AATK: variants seen among roughly 807,000 people sequenced by gnomAD.
AATK encodes the protein lemur tail kinase 1.
AATK carries 91 observed loss-of-function variants against 114.3 expected under a neutral mutation model. That is an observed-to-expected ratio of 0.80 (90% CI 0.67 to 0.95). AATK has a LOEUF of 0.95. Among genes scored for constraint, AATK ranks in the 40% least tolerant of loss-of-function variants. The pLI, the probability that AATK is intolerant of heterozygous loss-of-function variation, is 0.00. For missense variants in AATK, 2,176 were observed against 1,965.2 expected (o/e 1.11, Z -2.03); for synonymous variants, 1,075 against 916.5 (o/e 1.17, Z -3.12).
chr17:81,140,936 T>C (rs1174023371), intron 1 of AATK, among the ~76,000 whole-genome samples: 95 of 73,168 alleles, frequency 1.3e-3, no homozygotes, highest in Non-Finnish European at 2.4e-3. Context: ...CGTGGGACCA[T>C]GGGGCCGTGA....
At chr17:81,123,938 G>A (rs999688179) in intron 9 of AATK, among the ~76,000 whole-genome samples, 4 of 152,188 alleles carry the variant, frequency 2.6e-5, no homozygotes, top group African/African-American at 7.2e-5. Context: ...TTGGCAAGAC[G>A]TCACCATGAC....
chr17:81,154,818 C>G (rs1160833008), intron 1 of AATK, among the ~76,000 whole-genome samples: 1 of 110,816 alleles, frequency 9.0e-6, no homozygotes, highest in African/African-American at 5.1e-5. Context: ...TTAGTAGAGA[C>G]GGGGTTTCAA....
At chr17:81,138,460 C>CAT (rs2061060092) in intron 1 of AATK, among the ~76,000 whole-genome samples, 1 of 146,566 alleles carries the variant, frequency 6.8e-6, no homozygotes, top group South Asian at 2.2e-4. Flanking sequence ...CATGTGCACA[C>CAT]ACACCCACCC....
intron 9 of AATK, among the ~76,000 whole-genome samples, chr17:81,124,210 C>T (rs537059352): frequency 2.0e-5 from 3 of 152,182 alleles, no homozygotes; most frequent in Non-Finnish European, 2.9e-5. Context: ...CAGGGAGGGG[C>T]GCCCACCCCG....
Position 81,119,946 on chromosome 17 carries a change from T to C in AATK, c.3873A>G (p.Thr1291=), listed in dbSNP as rs1286721918. 5.5e-6 allele frequency: 8 copies of C among 1,445,512 alleles called. No homozygotes were observed. Among genetic ancestry groups the C allele is most frequent in the East Asian group, 2.7e-5 (1 of 37,226 alleles). The allele number at this position is 1,445,512 out of a possible 1,614,324, so 89.5% of individuals were successfully genotyped here. ...QQADGSPNGS[T]AEEGGGFAWD... is the part of the protein sequence containing the mutation. Reference sequence around the variant, plus strand: ...CCCGCCCCTGCTCACCCTCTTCCGCTGTGGAGCCATTTGGGGAGCCATCAG... The same window carrying C: ...CCCGCCCCTGCTCACCCTCTTCCGCCGTGGAGCCATTTGGGGAGCCATCAG... The change falls in exon 12 of 14, where the codon ACA becomes ACG. Residue 1291 remains threonine, a synonymous_variant. Coordinates refer to ENST00000326724, the MANE Select transcript of AATK (RefSeq NM_001080395.3).
At chr17:81,163,448 A>G (rs1464881568) in intron 1 of AATK, among the ~76,000 whole-genome samples, 1 of 152,158 alleles carries the variant, frequency 6.6e-6, no homozygotes, top group East Asian at 1.9e-4. Context: ...CCATGCCCAC[A>G]CTAGTCTCCC....
In AATK at chr17:81,121,852, G is replaced by A. The variant is rs746483226; in HGVS notation, c.2084C>T (p.Ser695Phe). ...NNNSGSRCPESWDPVSAGGHA... is the reference protein window; with the variant it reads ...NNNSGSRCPEFWDPVSAGGHA... ...GCCGCCCGCAGAGACGGGGTCCCAGGACTCTGGACAGCGGCTGCCGCTGTT... is the reference window on the plus strand; with the variant it reads ...GCCGCCCGCAGAGACGGGGTCCCAGAACTCTGGACAGCGGCTGCCGCTGTT... The change falls in exon 11 of 14, where the codon TCC (serine) becomes TTC (phenylalanine). Residue 695 changes from serine to phenylalanine, a missense_variant. Coordinates refer to ENST00000326724, the MANE Select transcript of AATK (RefSeq NM_001080395.3). The A allele has an allele frequency of 1.3e-6, 2 of 1,597,038 alleles. No homozygotes were observed. Among genetic ancestry groups the A allele is most frequent in the Admixed American group, 1.7e-5 (1 of 59,714 alleles).
chr17:81,153,281 G>C (rs2061320404), intron 1 of AATK, among the ~76,000 whole-genome samples: 1 of 152,196 alleles, frequency 6.6e-6, no homozygotes, highest in Non-Finnish European at 1.5e-5. Flanking sequence ...TGAAGATGTG[G>C]TGGACTTTGT....
chr17:81,128,422 C>T (rs1398482814), intron 4 of AATK, 48 bp downstream of exon 4: 4 of 1,545,740 alleles, frequency 2.6e-6, no homozygotes, highest in Admixed American at 2.0e-5. Flanking sequence ...GCCCTGTGTC[C>T]CTTCTGCCTC....
At chr17:81,160,444 C>T (rs752613657) in intron 1 of AATK, 19 of 165,422 alleles carry the variant, frequency 1.1e-4, no homozygotes, top group Non-Finnish European at 2.1e-4. Flanking sequence ...GCTCCGGCCC[C>T]GTCCGCTGCC....
chr17:81,134,440 G>A lies in AATK; in HGVS notation c.117C>T (p.Phe39=). 3 of 1,613,276 alleles carry A rather than the reference G, an allele frequency of 1.9e-6. No individual in the cohort carries two copies. Among genetic ancestry groups the A allele is most frequent in the Non-Finnish European group, 2.5e-6 (3 of 1,179,798 alleles). Residue 39 remains phenylalanine (F), a synonymous_variant, in exon 2 of 14, where the codon TTC becomes TTT. Transcript: ENST00000326724. Reference sequence around the variant, plus strand: ...GGACGATGACGGCGAAGAGCCCGGAGAAAGACACAGCCACCACGGCGAGGG... The same window carrying A: ...GGACGATGACGGCGAAGAGCCCGGAAAAAGACACAGCCACCACGGCGAGGG... ...PSSLAVVAVS[F]SGLFAVIVLM...
In AATK at chr17:81,122,567, C is replaced by T. The variant is rs889095774; in HGVS notation, c.1369G>A (p.Gly457Ser). 2.0e-6 allele frequency: 3 copies of T among 1,469,058 alleles called. No individual in the cohort carries two copies. Among genetic ancestry groups the T allele is most frequent in the African/African-American group, 1.5e-5 (1 of 67,708 alleles). The allele number at this position is 1,469,058 out of a possible 1,614,324, so 91.0% of individuals were successfully genotyped here. Reference sequence around the variant, plus strand: ...ACGTCGTCGCCGTCCGCGTGGAAGCCGTCGCCCGCGAACTGCTCCAGCAGC... The same window carrying T: ...ACGTCGTCGCCGTCCGCGTGGAAGCTGTCGCCCGCGAACTGCTCCAGCAGC... ...FPLLEQFAGD[G>S]FHADGDDVLT... The change falls in exon 11 of 14, where the codon GGC (glycine) becomes AGC (serine). Residue 457 changes from glycine to serine, a missense_variant. Gly to Ser is a moderately conservative substitution (Grantham distance 56, BLOSUM62 0). Transcript: ENST00000326724.
At position 81,117,928 on chromosome 17, in the gene AATK, G is replaced by C. The variant is rs912734971; in HGVS notation, c.*474C>G. The C allele has an allele frequency of 6.4e-6, 1 of 155,096 alleles. No homozygotes were observed. The highest frequency in any genetic ancestry group is 1.4e-5 in the Non-Finnish European group (1 of 69,920). The allele number at this position is 155,096 out of a possible 1,614,324, so 9.6% of individuals were successfully genotyped here. A position where few individuals can be genotyped will look rare whatever the true frequency, so the allele number is the denominator to read the frequency against. On this transcript the variant is annotated 3_prime_UTR_variant, in exon 14 of 14. Coordinates refer to ENST00000326724, the MANE Select transcript of AATK (RefSeq NM_001080395.3). ...GAGCCACCAGGAACCAGGCAAGGGT[G>C]GGGGCACAGGGGGTGGGAAGAGGCT...
At position 81,120,982 on chromosome 17, in the gene AATK, C is replaced by A. The variant is rs2060691970; in HGVS notation, c.2954G>T (p.Gly985Val). 6.2e-7 allele frequency: 1 copy of A among 1,610,448 alleles called. No homozygotes were observed. The highest frequency in any genetic ancestry group is 8.5e-7 in the Non-Finnish European group (1 of 1,179,042). ...PETRLSTSLS[G>V]LNEKNPYRDS... ...TCGGTAGGGATTCTTCTCGTTGAGG[C>A]CACTGAGGGAGGTGGAGAGCCGTGT... The change falls in exon 11 of 14, where the codon GGC (glycine) becomes GTC (valine). Residue 985 changes from glycine (G) to valine (V), a missense_variant. By Grantham distance (109) the Gly-to-Val change is moderately radical. Transcript: ENST00000326724.
In AATK at chr17:81,121,176, G is replaced by A. The variant is rs2060694988; in HGVS notation, c.2760C>T (p.Phe920=). ...CAGAGGGGCCAGTGGCCGACGGGCT[G>A]AAGACCTCATAGCCACCATCACTGG... ...SSASDGGYEV[F]SPSATGPSGG... Residue 920 remains phenylalanine (F), a synonymous_variant, in exon 11 of 14, where the codon TTC becomes TTT. Coordinates refer to ENST00000326724, the MANE Select transcript of AATK (RefSeq NM_001080395.3). 1.2e-6 allele frequency: 2 copies of A among 1,602,586 alleles called. No individual in the cohort carries two copies. The highest frequency in any genetic ancestry group is 2.7e-5 in the African/African-American group (2 of 74,748).
intron 1 of AATK, among the ~76,000 whole-genome samples, chr17:81,148,129 A>C (rs1598963681): frequency 6.6e-6 from 1 of 151,960 alleles, no homozygotes; most frequent in African/African-American, 2.4e-5. Flanking sequence ...CAAAGCGTGA[A>C]GAGTTTGTCT....
chr17:81,153,283 G>A (rs542438845), intron 1 of AATK, among the ~76,000 whole-genome samples: 2 of 152,274 alleles, frequency 1.3e-5, no homozygotes, highest in African/African-American at 4.8e-5. Flanking sequence ...AAGATGTGGT[G>A]GACTTTGTGG....
chr17:81,132,215 C>A (rs1012753579), intron 2 of AATK, among the ~76,000 whole-genome samples: 1 of 152,226 alleles, frequency 6.6e-6, no homozygotes, highest in African/African-American at 2.4e-5. Context: ...TTCCTCACAA[C>A]CCCCAGTGCC....
At chr17:81,141,793 T>C (rs1446988345) in intron 1 of AATK, among the ~76,000 whole-genome samples, 1 of 152,216 alleles carries the variant, frequency 6.6e-6, no homozygotes, top group Non-Finnish European at 1.5e-5. Flanking sequence ...CACACGTGGC[T>C]GGACGCGCTG....
Sources: gnomAD v4.1 joint callset for allele counts (sites outside exome capture counted in the v4.1 genomes callset) on GRCh38, gnomAD v4.1.1 for gene constraint, MANE v1.5 for transcripts, NCBI Gene and HGNC (gene_info 2026-07-23, HGNC 2026-07-21) for gene names.